EYA4: variants seen among roughly 807,000 people sequenced by gnomAD.
The protein encoded by EYA4 is protein phosphatase EYA4.
Under a neutral mutation model 87.9 loss-of-function variants are expected in EYA4, and 31 were observed. The ratio of observed to expected loss-of-function variants is 0.35; its 90% CI spans 0.27 to 0.48. The LOEUF is 0.48. Ranked by LOEUF, EYA4 falls within the 20% of genes least tolerant of loss-of-function variation. The probability of loss-of-function intolerance (pLI) is 0.99; values close to 1 mark genes in which losing one functional copy is unlikely to be tolerated. For missense variants in EYA4, 678 were observed against 761.4 expected, an observed-to-expected ratio of 0.89 and a Z score of 1.29; for synonymous variants, 263 against 270.6, an observed-to-expected ratio of 0.97 and a Z score of 0.28.
intron 3 of EYA4, among the ~76,000 whole-genome samples, chr6:133,417,127 A>T (rs1373894168): frequency 6.6e-6 from 1 of 152,270 alleles, no homozygotes; most frequent in African/African-American, 2.4e-5. Context: ...TAAGAATATT[A>T]GAGTTGGAAG....
Position 133,515,443 on chromosome 6 carries a change from G to A in EYA4, c.1616+8G>A. 1 of 1,397,250 alleles carries A rather than the reference G, an allele frequency of 7.2e-7. No individual in the cohort carries two copies. 86.6% of individuals were successfully genotyped at this position (1,397,250 alleles called of 1,614,324 possible). A position where few individuals can be genotyped will look rare whatever the true frequency, so the allele number is the denominator to read the frequency against. ...ATCAATTATTAGCACTAGGTAAGTG[G>A]AATTGTTACCTTTCTATGTGTATCG... On this transcript the variant is annotated splice_region_variant and intron_variant, in intron 17 of 19. Coordinates refer to ENST00000355286, the MANE Select transcript of EYA4 (RefSeq NM_004100.5).
chr6:133,418,786 T>C (rs1212323717), intron 3 of EYA4, among the ~76,000 whole-genome samples: 1 of 152,204 alleles, frequency 6.6e-6, no homozygotes, highest in Non-Finnish European at 1.5e-5. Context: ...GATCTAGAGA[T>C]AAACATTTTC....
chr6:133,373,069 T>G (rs995349615), intron 2 of EYA4, among the ~76,000 whole-genome samples: 2 of 152,130 alleles, frequency 1.3e-5, no homozygotes, highest in Non-Finnish European at 2.9e-5. Context: ...TCAATTATTG[T>G]TCAAATTGAA....
intron 2 of EYA4, among the ~76,000 whole-genome samples, chr6:133,321,028 G>GC (rs148034370): frequency 2.8e-3 from 421 of 152,190 alleles, no homozygotes; most frequent in African/African-American, 9.7e-3. Flanking sequence ...TTTCTTCTCG[G>GC]CACTTCAAAG....
intron 1 of EYA4, among the ~76,000 whole-genome samples, chr6:133,263,887 A>G (rs1053213495): frequency 6.6e-6 from 1 of 152,226 alleles, no homozygotes; most frequent in African/African-American, 2.4e-5. Flanking sequence ...GGGACTCTTC[A>G]GGCACCTGTT....
At chr6:133,422,349 TA>T (rs1318207461) in intron 3 of EYA4, among the ~76,000 whole-genome samples, 1 of 152,202 alleles carries the variant, frequency 6.6e-6, no homozygotes, top group African/African-American at 2.4e-5. Flanking sequence ...TTGCCAGTTT[TA>T]AAAATCCACA....
At chr6:133,329,506 G>A (rs1023167677) in intron 2 of EYA4, among the ~76,000 whole-genome samples, 1 of 152,078 alleles carries the variant, frequency 6.6e-6, no homozygotes, top group Admixed American at 6.5e-5. Flanking sequence ...TACCATGAGT[G>A]TTTACTACGA....
intron 2 of EYA4, among the ~76,000 whole-genome samples, chr6:133,343,880 A>G (rs1362924046): frequency 6.6e-6 from 1 of 152,080 alleles, no homozygotes; most frequent in Non-Finnish European, 1.5e-5. Context: ...GGAAGGTCAA[A>G]TATATATGGA....
At position 133,295,245 on chromosome 6, in the gene EYA4, A is replaced by G. The variant is rs532290047; in HGVS notation, c.33+20432A>G. On this transcript the variant is annotated intron_variant, in intron 2 of 19. Coordinates refer to ENST00000355286, the MANE Select transcript of EYA4 (RefSeq NM_004100.5). ...TATTTTTCATCTAATTTTATGTTCA[A>G]GTGCTCCCCTAGAGTGGTGATAAGT... Among the ~76,000 whole-genome samples the G allele has an allele frequency of 1.1e-3, 174 of 152,330 alleles. 1 individual carries two copies. Among genetic ancestry groups the G allele is most frequent in the African/African-American group, 3.9e-3 (162 of 41,578 alleles).
intron 2 of EYA4, among the ~76,000 whole-genome samples, chr6:133,365,382 A>G (rs1390419740): frequency 6.6e-6 from 1 of 152,194 alleles, no homozygotes; most frequent in Non-Finnish European, 1.5e-5. Context: ...AGTTAATGGT[A>G]CAAATTGGGA....
intron 2 of EYA4, among the ~76,000 whole-genome samples, chr6:133,320,909 G>A: frequency 6.6e-6 from 1 of 152,136 alleles, no homozygotes; most frequent in African/African-American, 2.4e-5. Context: ...ATACTGAGGT[G>A]TATCCTCAAG....
Position 133,385,298 on chromosome 6 carries a change from CAAAAA to C in EYA4, c.83+2871_83+2875del, listed in dbSNP as rs3065362. ...TGGGTGACAAAGCAAGACTCTGTCT[CAAAAA>C]AAAAAAAAAAAAACCCACAAAATAT... On this transcript the variant is annotated intron_variant, in intron 3 of 19. Coordinates refer to ENST00000355286, the MANE Select transcript of EYA4 (RefSeq NM_004100.5). Among the ~76,000 whole-genome samples, 265 of 106,640 alleles carry C rather than the reference CAAAAA, an allele frequency of 2.5e-3. 8 individuals are homozygous for C. The highest frequency in any genetic ancestry group is 9.6e-3 in the African/African-American group (253 of 26,220). 70.0% of individuals were successfully genotyped at this position (106,640 alleles called of 152,430 possible).
At chr6:133,336,265 G>A (rs375665319) in intron 2 of EYA4, among the ~76,000 whole-genome samples, 10 of 152,164 alleles carry the variant, frequency 6.6e-5, no homozygotes, top group African/African-American at 1.9e-4. Flanking sequence ...AGGAAAAAAT[G>A]TGACTTTACA....
At chr6:133,259,139 T>G (rs1320268662) in intron 1 of EYA4, among the ~76,000 whole-genome samples, 3 of 152,198 alleles carry the variant, frequency 2.0e-5, no homozygotes, top group Non-Finnish European at 2.9e-5. Flanking sequence ...TCCTAAGCAA[T>G]TATGCTTTTG....
At chr6:133,243,668 T>C (rs926077631) in intron 1 of EYA4, among the ~76,000 whole-genome samples, 3 of 151,722 alleles carry the variant, frequency 2.0e-5, no homozygotes, top group Non-Finnish European at 4.4e-5. Context: ...TTTTTTTTTT[T>C]TGTCTTTTAA....
At chr6:133,357,252 C>A (rs1391205227) in intron 2 of EYA4, among the ~76,000 whole-genome samples, 1 of 109,520 alleles carries the variant, frequency 9.1e-6, no homozygotes, top group African/African-American at 3.8e-5. Flanking sequence ...GCCTGGGCGA[C>A]AGAGCGAGAC....
Position 133,456,550 on chromosome 6 carries a change from A to G in EYA4, c.278-6A>G, listed in dbSNP as rs765019646. 1 of 1,595,490 alleles carries G rather than the reference A, an allele frequency of 6.3e-7. No individual in the cohort carries two copies. The highest frequency in any genetic ancestry group is 1.1e-5 in the South Asian group (1 of 90,724). ...AAAACTCACATGTACTTATTCTTCT[A>G]CGTAGTGTCTCTTCTTGCAGTCAAA... On this transcript the variant is annotated splice_region_variant and splice_polypyrimidine_tract_variant and intron_variant, in intron 5 of 19. Coordinates refer to ENST00000355286, the MANE Select transcript of EYA4 (RefSeq NM_004100.5).
intron 2 of EYA4, among the ~76,000 whole-genome samples, chr6:133,295,942 G>T (rs1480769386): frequency 6.6e-5 from 10 of 152,132 alleles, no homozygotes; most frequent in Admixed American, 4.6e-4. Flanking sequence ...ATGTCTAGTG[G>T]CATTAAGTGC....
chr6:133,259,056 A>G (rs925536221), intron 1 of EYA4, among the ~76,000 whole-genome samples: 19 of 152,192 alleles, frequency 1.2e-4, no homozygotes, highest in African/African-American at 4.3e-4. Context: ...TAATACGTCA[A>G]TTTATAATTG....
Sources: gnomAD v4.1 joint callset for allele counts (sites outside exome capture counted in the v4.1 genomes callset) on GRCh38, gnomAD v4.1.1 for gene constraint, MANE v1.5 for transcripts, NCBI Gene and HGNC (gene_info 2026-07-23, HGNC 2026-07-21) for gene names.